VPS13B: variants seen among roughly 807,000 people sequenced by gnomAD.
VPS13B encodes the protein intermembrane lipid transfer protein VPS13B.
A neutral mutation model predicts 426.4 loss-of-function variants in VPS13B; 285 were observed. The ratio of observed to expected loss-of-function variants is 0.67; its 90% confidence interval spans 0.61 to 0.74. The LOEUF (loss-of-function observed/expected upper bound fraction) is 0.74, where lower values mean the gene tolerates loss of function less well. VPS13B is among the 30% of genes least tolerant of loss of function. The pLI, the probability that VPS13B is intolerant of heterozygous loss-of-function variation, is 0.00. For synonymous variants in VPS13B, 1,676 were observed against 1,676.4 expected (o/e 1.00, Z 0.01); for missense variants, 4,537 against 4,782.6 (o/e 0.95, Z 1.51).
chr8:99,819,733 T>G, intron 48 of VPS13B, 151 bp downstream of exon 48: 1 of 1,237,218 alleles, frequency 8.1e-7, no homozygotes, highest in Admixed American at 2.2e-5. Flanking sequence ...GTAGATTTCT[T>G]TATTCATGAT....
chr8:99,425,280 C>T (rs1347781403), intron 21 of VPS13B, among the ~76,000 whole-genome samples: 2 of 152,128 alleles, frequency 1.3e-5, no homozygotes, highest in Non-Finnish European at 2.9e-5. Flanking sequence ...AATTTTAGAC[C>T]AATATCCCTG....
chr8:99,233,443 C>T lies in VPS13B; in HGVS notation c.2515+40386C>T, dbSNP rs1816462814. ...CTGTTTGATGTGTGCCCCTTTCTTC[C>T]CGATGATGGTACCCACAGCCTGGGT... On this transcript the variant is annotated intron_variant, in intron 17 of 61. Coordinates refer to ENST00000357162, the MANE Select transcript of VPS13B (RefSeq NM_152564.5). 19 of 1,300,818 alleles carry T rather than the reference C, an allele frequency of 1.5e-5. No individual in the cohort carries two copies. The Admixed American group carries it at 3.0e-4, about 21-fold the overall frequency. 80.6% of individuals were successfully genotyped at this position (1,300,818 alleles called of 1,614,324 possible).
chr8:99,280,598 T>G (rs112492208), intron 19 of VPS13B, among the ~76,000 whole-genome samples: 6,102 of 152,324 alleles, frequency 0.04, 161 homozygotes, highest in Non-Finnish European at 0.056. Flanking sequence ...TAATCAGTTC[T>G]TGATACATGT....
intron 36 of VPS13B, among the ~76,000 whole-genome samples, chr8:99,705,925 A>C (rs780543211): frequency 4.6e-5 from 7 of 152,068 alleles, no homozygotes; most frequent in Non-Finnish European, 1.0e-4. Flanking sequence ...GAGCGATCTC[A>C]TGTGCTGTGG....
At chr8:99,544,672 G>T (rs964059153) in intron 30 of VPS13B, among the ~76,000 whole-genome samples, 1 of 150,030 alleles carries the variant, frequency 6.7e-6, no homozygotes, top group Non-Finnish European at 1.5e-5. Flanking sequence ...ATGAGAAATT[G>T]TAATTTTGTA....
chr8:99,048,562 C>T (rs1289050510), intron 3 of VPS13B, among the ~76,000 whole-genome samples: 6 of 152,034 alleles, frequency 3.9e-5, no homozygotes, highest in African/African-American at 1.4e-4. Flanking sequence ...TGCCTGTAAT[C>T]CCAGCACTTT....
At chr8:99,400,664 CT>C (rs546306290) in intron 21 of VPS13B, among the ~76,000 whole-genome samples, 252 of 151,960 alleles carry the variant, frequency 1.7e-3, no homozygotes, top group Middle Eastern at 3.4e-3. Context: ...CATGGTATTA[CT>C]TTTTTTTGTT....
intron 19 of VPS13B, among the ~76,000 whole-genome samples, chr8:99,382,597 T>C (rs992228481): frequency 2.0e-5 from 3 of 152,180 alleles, no homozygotes; most frequent in Non-Finnish European, 2.9e-5. Flanking sequence ...ATGGATTGCA[T>C]TCCTGATTTG....
intron 59 of VPS13B, 72 bp downstream of exon 59, chr8:99,868,537 A>G: frequency 6.5e-7 from 1 of 1,534,410 alleles, no homozygotes; most frequent in Non-Finnish European, 8.8e-7. Context: ...AGGGTTCCCT[A>G]AGATAGTGTA....
intron 36 of VPS13B, among the ~76,000 whole-genome samples, chr8:99,712,543 T>C (rs143375887): frequency 5.9e-5 from 9 of 152,320 alleles, no homozygotes; most frequent in African/African-American, 2.2e-4. Flanking sequence ...CCTGCCTTCA[T>C]TGCAGGGCCT....
At chr8:99,724,664 C>G (rs1239775380) in intron 39 of VPS13B, among the ~76,000 whole-genome samples, 1 of 152,092 alleles carries the variant, frequency 6.6e-6, no homozygotes, top group Non-Finnish European at 1.5e-5. Flanking sequence ...ATGCATTACA[C>G]ATAGTGAGCT....
In VPS13B at chr8:99,511,431, A is replaced by C. The variant is rs760899771; in HGVS notation, c.4552A>C (p.Asn1518His). The C allele has an allele frequency of 3.7e-6, 6 of 1,613,292 alleles. No homozygotes were observed. The highest frequency in any genetic ancestry group is 1.3e-5 in the African/African-American group (1 of 74,920). Residue 1518 changes from asparagine (N) to histidine (H), a missense_variant, in exon 29 of 62, where the codon AAT becomes CAT. Asn to His is a moderately conservative substitution (Grantham distance 68). Around this residue, in one of 2 missense-constraint regions of VPS13B, gnomAD observed 4,311 missense variants for 4,474.3 expected, o/e 0.96. Coordinates refer to ENST00000357162, the MANE Select transcript of VPS13B (RefSeq NM_152564.5). ...GAGGACCCATACACTGACATCCCGC[A>C]ATTTACCTTTGATTTATGTCAACAC... ...PMRTHTLTSRNLPLIYVNTSV... is the reference protein window; with the variant it reads ...PMRTHTLTSRHLPLIYVNTSV...
intron 8 of VPS13B, among the ~76,000 whole-genome samples, chr8:99,129,282 A>T (rs1382957521): frequency 6.6e-6 from 1 of 151,700 alleles, no homozygotes; most frequent in Admixed American, 6.6e-5. Flanking sequence ...AAAATAAGAT[A>T]TTAAAAAATA....
chr8:99,225,115 A>G (rs1761940382), intron 17 of VPS13B, among the ~76,000 whole-genome samples: 1 of 152,100 alleles, frequency 6.6e-6, no homozygotes, highest in Non-Finnish European at 1.5e-5. Context: ...ACACTGAGTA[A>G]TCTCTTTCTC....
At chr8:99,158,392 G>A (rs1484389358) in intron 15 of VPS13B, among the ~76,000 whole-genome samples, 2 of 151,836 alleles carry the variant, frequency 1.3e-5, no homozygotes, top group Non-Finnish European at 2.9e-5. Flanking sequence ...AATTAGCCGG[G>A]TGTGGTGGTG....
At chr8:99,807,424 T>A (rs1175233603) in intron 43 of VPS13B, among the ~76,000 whole-genome samples, 5 of 151,724 alleles carry the variant, frequency 3.3e-5, no homozygotes, top group East Asian at 1.9e-4. Flanking sequence ...CCTCATTATT[T>A]TTTTTTTTTT....
rs769085208 is a variant in VPS13B, at chr8:99,502,906, G to T, written c.4113G>T (p.Val1371=). ...SIDVQDVYTK[V]KCKIESFNID... The stretch of plus-strand genomic sequence containing the variant: ...ATGTCCAGGATGTATATACCAAAGT[G>T]AAATGTAAAATAGAGAGTTTCAATA... The change falls in exon 27 of 62, where the codon GTG becomes GTT. Residue 1371 remains valine, a synonymous_variant. Coordinates refer to ENST00000357162, the MANE Select transcript of VPS13B (RefSeq NM_152564.5). 1.9e-6 allele frequency: 3 copies of T among 1,613,060 alleles called. No individual in the cohort carries two copies. Among genetic ancestry groups the T allele is most frequent in the African/African-American group, 2.7e-5 (2 of 74,898 alleles).
chr8:99,060,617 A>C (rs531129812), intron 3 of VPS13B, among the ~76,000 whole-genome samples: 138 of 151,750 alleles, frequency 9.1e-4, no homozygotes, highest in African/African-American at 3.0e-3. Flanking sequence ...TCAAAAACAA[A>C]AAAAAAAATT....
intron 19 of VPS13B, among the ~76,000 whole-genome samples, chr8:99,314,570 C>A (rs111726851): frequency 0.029 from 4,455 of 152,200 alleles, 95 homozygotes; most frequent in Non-Finnish European, 0.045. Flanking sequence ...CCTACCTCAG[C>A]CTCTCAAGTA....
Sources: allele counts gnomAD v4.1 joint callset (sites outside exome capture counted in the v4.1 genomes callset), GRCh38; gene constraint gnomAD v4.1.1; regional missense constraint gnomAD v4.1.1; transcripts MANE v1.5; gene names NCBI Gene and HGNC (gene_info 2026-07-23, HGNC 2026-07-21).